Variants in USP31 observed in about 807,000 individuals in gnomAD.
The protein encoded by USP31 is ubiquitin specific peptidase 31, also known as ubiquitin carboxyl-terminal hydrolase 31.
USP31 carries 44 observed loss-of-function variants against 119.4 expected under a neutral mutation model. The observed-to-expected ratio is 0.37, with a 90% CI of 0.29 to 0.47. The LOEUF is 0.47. Among genes scored for constraint, USP31 ranks in the 20% least tolerant of loss-of-function variants. The pLI is 0.99. For missense variants in USP31, 1,643 were observed against 1,730.2 expected (o/e 0.95, Z 0.89); for synonymous variants, 749 against 705.6 (o/e 1.06, Z -0.97).
chr16:23,108,448 T>C (rs960302670), intron 1 of USP31, among the ~76,000 whole-genome samples: 1 of 152,186 alleles, frequency 6.6e-6, no homozygotes, highest in Non-Finnish European at 1.5e-5. Context: ...TCAAGACTTC[T>C]AAGAAAATAT....
At chr16:23,143,370 G>A (rs1903406280) in intron 1 of USP31, among the ~76,000 whole-genome samples, 1 of 152,190 alleles carries the variant, frequency 6.6e-6, no homozygotes, top group African/African-American at 2.4e-5. Context: ...GAAAGCATTT[G>A]TAAGAATCTG....
chr16:23,128,319 T>C (rs1313679245), intron 1 of USP31, among the ~76,000 whole-genome samples: 1 of 152,180 alleles, frequency 6.6e-6, no homozygotes, highest in Non-Finnish European at 1.5e-5. Flanking sequence ...TCGTTTGACA[T>C]GCCAGGCTAC....
At chr16:23,144,900 A>C (rs1181420235) in intron 1 of USP31, among the ~76,000 whole-genome samples, 3 of 152,204 alleles carry the variant, frequency 2.0e-5, no homozygotes, top group Non-Finnish European at 4.4e-5. Context: ...TAAAAAGGGG[A>C]AAAGAATCTA....
chr16:23,110,614 T>C (rs563502434), intron 1 of USP31, among the ~76,000 whole-genome samples: 14 of 152,256 alleles, frequency 9.2e-5, no homozygotes, highest in Admixed American at 3.9e-4. Context: ...GTAAATGAAC[T>C]GGTAAATTAA....
intron 7 of USP31, among the ~76,000 whole-genome samples, chr16:23,088,302 C>T (rs1901202714): frequency 6.6e-6 from 1 of 152,152 alleles, no homozygotes. Flanking sequence ...GAGCTATGTC[C>T]CACAGAGTCC....
rs1555468289 is a variant in USP31, at chr16:23,117,760, T to TTTTTGTTG, written c.634-9578_634-9577insCAACAAAA. On this transcript the variant is annotated intron_variant, in intron 1 of 15. Coordinates refer to ENST00000219689, the MANE Select transcript of USP31 (RefSeq NM_020718.4). The stretch of plus-strand genomic sequence containing the variant: ...TGATTTTTTTCCTTTTCTTTTTTTT[T>TTTTTGTTG]TTGTTGTTGTTGTTGTTCAGATGGA... 7.1e-3 allele frequency among the ~76,000 whole-genome samples: 1,030 copies of TTTTTGTTG among 145,084 alleles called. 7 individuals are homozygous for TTTTTGTTG. The highest frequency in any genetic ancestry group is 0.011 in the Non-Finnish European group (710 of 65,490).
At chr16:23,105,101 C>A (rs1226990120) in intron 5 of USP31, among the ~76,000 whole-genome samples, 1 of 152,234 alleles carries the variant, frequency 6.6e-6, no homozygotes, top group African/African-American at 2.4e-5. Flanking sequence ...GCCTCTTTGA[C>A]TATCTCAAAC....
At chr16:23,083,384 T>G (rs1900925387) in intron 11 of USP31, among the ~76,000 whole-genome samples, 1 of 152,068 alleles carries the variant, frequency 6.6e-6, no homozygotes, top group Admixed American at 6.5e-5. Flanking sequence ...AAAATGTTGT[T>G]TATGTTGGCC....
rs79345072 is a variant in USP31, at chr16:23,128,346, C to T, written c.634-20163G>A. ...CCAGGCTACTAGTACAGTCTCAAAA[C>T]GACTTGAGAGTCGACTTGTCCCACT... On this transcript the variant is annotated intron_variant, in intron 1 of 15. Coordinates refer to ENST00000219689, the MANE Select transcript of USP31 (RefSeq NM_020718.4). Among the ~76,000 whole-genome samples, 6 of 152,258 alleles carry T rather than the reference C, an allele frequency of 3.9e-5. No individual in the cohort carries two copies. The East Asian group carries it at 5.8e-4, about 15-fold the overall frequency.
chr16:23,089,218 T>G (rs1901244675), intron 7 of USP31, among the ~76,000 whole-genome samples: 1 of 152,172 alleles, frequency 6.6e-6, no homozygotes, highest in South Asian at 2.1e-4. Flanking sequence ...TTTCCCCCCA[T>G]GTTCACACAG....
rs1305074131 is a variant in USP31 at position 23,065,737 on chromosome 16, A to G, written c.*2309T>C. 6.6e-6 allele frequency: 1 copy of G among 152,114 alleles called. No individual in the cohort carries two copies. The highest frequency in any genetic ancestry group is 1.5e-5 in the Non-Finnish European group (1 of 68,014). The allele number at this position is 152,114 out of a possible 1,614,324, so 9.4% of individuals were successfully genotyped here. A position where few individuals can be genotyped will look rare whatever the true frequency, so the allele number is the denominator to read the frequency against. On this transcript the variant is annotated 3_prime_UTR_variant, in exon 16 of 16. Coordinates refer to ENST00000219689, the MANE Select transcript of USP31 (RefSeq NM_020718.4). ...AGTCACTAGACATCGTGGAAAATCC[A>G]TTCCTAGATAACTCAAGAATAAAAA... is the stretch of plus-strand genomic sequence containing the variant.
chr16:23,086,046 A>C (rs1355277372), intron 9 of USP31, among the ~76,000 whole-genome samples: 1 of 152,020 alleles, frequency 6.6e-6, no homozygotes, highest in Non-Finnish European at 1.5e-5. Context: ...CGCCCCTTGC[A>C]CCTTTCCACC....
intron 2 of USP31, among the ~76,000 whole-genome samples, chr16:23,107,163 C>T (rs1485329539): frequency 6.6e-6 from 1 of 152,038 alleles, no homozygotes; most frequent in Non-Finnish European, 1.5e-5. Context: ...TCCCTAGTAC[C>T]TATTACCTGT....
chr16:23,131,196 C>A (rs1334665405), intron 1 of USP31, among the ~76,000 whole-genome samples: 2 of 152,090 alleles, frequency 1.3e-5, no homozygotes, highest in African/African-American at 4.8e-5. Context: ...TCTAGCTATT[C>A]GGGAGGATGA....
intron 5 of USP31, among the ~76,000 whole-genome samples, chr16:23,104,949 G>GT (rs758071332): frequency 2.6e-5 from 4 of 152,142 alleles, no homozygotes; most frequent in Non-Finnish European, 5.9e-5. Context: ...TCTAAACAAG[G>GT]TAAGAGACTC....
chr16:23,062,634 AT>A lies in USP31; in HGVS notation c.*5411del, dbSNP rs1288884387. On this transcript the variant is annotated 3_prime_UTR_variant, in exon 16 of 16. Transcript: ENST00000219689. ...ATTTCTAGCTCAGAGTGACTTCCCT[AT>A]TCCCCCACGGGCCTGGGGAAAAGGT... is the stretch of plus-strand genomic sequence containing the variant. 1 of 152,394 alleles carries A rather than the reference AT, an allele frequency of 6.6e-6. No individual in the cohort carries two copies. Among genetic ancestry groups the A allele is most frequent in the Non-Finnish European group, 1.5e-5 (1 of 68,016 alleles). 9.4% of individuals were successfully genotyped at this position (152,394 alleles called of 1,614,324 possible). A position where few individuals can be genotyped will look rare whatever the true frequency, so the allele number is the denominator to read the frequency against.
chr16:23,069,359 G>A lies in USP31; in HGVS notation c.2746C>T (p.Arg916Trp), dbSNP rs750241188. Residue 916 changes from arginine to tryptophan, a missense_variant, in exon 16 of 16, where the codon CGG becomes TGG. Around this residue, in one of 5 missense-constraint regions of USP31, gnomAD observed 699 missense variants for 650.9 expected, o/e 1.07. Transcript: ENST00000219689. ...KVSISCFGSL[R>W]NLSSSYQEPS... ...TCCTGGTAACTGCTAGAAAGGTTCC[G>A]CAAGCTACCAAAGCAAGAGATGGAG... 6.2e-6 allele frequency: 10 copies of A among 1,604,808 alleles called. No individual in the cohort carries two copies. The highest frequency in any genetic ancestry group is 1.1e-5 in the South Asian group (1 of 90,076).
chr16:23,115,763 C>G (rs752364157), intron 1 of USP31: 7 of 984,470 alleles, frequency 7.1e-6, no homozygotes, highest in Non-Finnish European at 8.4e-6. Context: ...AAAACACTTA[C>G]CGGGTTTTCA....
chr16:23,092,105 T>C (rs917932809), intron 6 of USP31, among the ~76,000 whole-genome samples: 6 of 152,140 alleles, frequency 3.9e-5, no homozygotes, highest in African/African-American at 1.4e-4. Flanking sequence ...CTGGGAGTGG[T>C]TACTTCATCT....
Sources: gnomAD v4.1 joint callset for allele counts (sites outside exome capture counted in the v4.1 genomes callset) on GRCh38, gnomAD v4.1.1 for gene constraint, gnomAD v4.1.1 regional missense constraint, MANE v1.5 for transcripts, NCBI Gene and HGNC (gene_info 2026-07-23, HGNC 2026-07-21) for gene names.